Variants in LMAN1L observed in about 807,000 individuals in gnomAD.
The protein encoded by LMAN1L is lectin, mannose binding 1 like.
Under a neutral mutation model 58.3 loss-of-function variants are expected in LMAN1L, and 60 were observed. That is an observed-to-expected ratio of 1.03 (90% CI 0.84 to 1.27). The LOEUF is 1.27. Among genes scored for constraint, LMAN1L ranks in the 50% most tolerant of loss-of-function variants. The pLI is 0.00. For synonymous variants in LMAN1L, 280 were observed against 271.6 expected (o/e 1.03, Z -0.31); for missense variants, 629 against 674.0 (o/e 0.93, Z 0.74).
chr15:74,822,478 C>T (rs997141257), intron 10 of LMAN1L, among the ~76,000 whole-genome samples, 164 bp from the exon 11 acceptor site: 3 of 152,096 alleles, frequency 2.0e-5, no homozygotes, highest in Non-Finnish European at 4.4e-5. Flanking sequence ...AATGTGGATG[C>T]CCTTATGGAT....
chr15:74,819,199 T>C lies in LMAN1L; in HGVS notation c.645T>C (p.Cys215=). The C allele has an allele frequency of 1.2e-6, 2 of 1,614,098 alleles. No homozygotes were observed. The highest frequency in any genetic ancestry group is 1.7e-6 in the Non-Finnish European group (2 of 1,179,962). The change falls in exon 6 of 14, where the codon TGT becomes TGC. Residue 215 remains cysteine, a synonymous_variant. Coordinates refer to ENST00000309664, the MANE Select transcript of LMAN1L (RefSeq NM_021819.3). ...CTCCCAGTGATCCAGGTGAGTTCTG[T>C]GTGGATGTGGGGCCCCTGCTTTTGG... ...GLTPSDPGEF[C]VDVGPLLLVP...
At chr15:74,816,067 C>T in intron 1 of LMAN1L, 90 bp from the exon 2 acceptor site, 1 of 1,451,276 alleles carries the variant, frequency 6.9e-7, no homozygotes, top group Non-Finnish European at 9.1e-7. Flanking sequence ...GTCGCCTTCT[C>T]TTCCGGGAGC....
intron 10 of LMAN1L, among the ~76,000 whole-genome samples, chr15:74,822,269 G>A (rs2063920530): frequency 6.6e-6 from 1 of 152,180 alleles, no homozygotes; most frequent in African/African-American, 2.4e-5. Flanking sequence ...GGGAGGCTGA[G>A]GCAGAAGAAT....
intron 6 of LMAN1L, 83 bp downstream of exon 6, chr15:74,819,355 G>A: frequency 6.6e-7 from 1 of 1,522,308 alleles, no homozygotes; most frequent in Non-Finnish European, 8.8e-7. Context: ...GAGCACTGGG[G>A]TGGCGTCAGC....
intron 4 of LMAN1L, 52 bp downstream of exon 4, chr15:74,816,742 G>A (rs1567223662): frequency 6.4e-7 from 1 of 1,553,976 alleles, no homozygotes. Flanking sequence ...ACTGGGAGGG[G>A]CCCATCCCCC....
Position 74,820,090 on chromosome 15 carries a change from C to T in LMAN1L, c.765C>T (p.Pro255=), listed in dbSNP as rs371086958. ...LSFLTFSLSE[P]SPEVPPQPFL... The stretch of plus-strand genomic sequence containing the variant: ...TCCTGACCTTCAGCCTGAGTGAGCC[C>T]AGCCCAGAGGTGATGCCAGCCCTGG... Residue 255 remains proline (P), a synonymous_variant, in exon 7 of 14, where the codon CCC becomes CCT. Coordinates refer to ENST00000309664, the MANE Select transcript of LMAN1L (RefSeq NM_021819.3). 3.1e-6 allele frequency: 5 copies of T among 1,613,932 alleles called. No homozygotes were observed. The highest frequency in any genetic ancestry group is 1.3e-5 in the African/African-American group (1 of 74,920).
At chr15:74,813,506 A>G (rs2141112090) in intron 1 of LMAN1L, 1 of 456,418 alleles carries the variant, frequency 2.2e-6, no homozygotes, top group Non-Finnish European at 4.4e-6. Flanking sequence ...CCTTCCCTGT[A>G]TGTGTGTTGT....
chr15:74,816,466 G>A lies in LMAN1L; in HGVS notation c.370G>A (p.Val124Ile). 1 of 1,552,944 alleles carries A rather than the reference G, an allele frequency of 6.4e-7. No individual in the cohort carries two copies. The highest frequency in any genetic ancestry group is 1.2e-5 in the South Asian group (1 of 81,372). ...CCGGGGCAGGGGCCATGTAGGCTCTGTCCTTGGGGGGCTGGCTTCGTGGGA... is the reference window on the plus strand; with the variant it reads ...CCGGGGCAGGGGCCATGTAGGCTCTATCCTTGGGGGGCTGGCTTCGTGGGA... ...YTRGRGHVGS[V>I]LGGLASWDGI... is the part of the protein sequence containing the mutation. The change falls in exon 3 of 14, where the codon GTC (valine) becomes ATC (isoleucine). Residue 124 changes from valine (V) to isoleucine (I), a missense_variant. Coordinates refer to ENST00000309664, the MANE Select transcript of LMAN1L (RefSeq NM_021819.3).
chr15:74,813,204 C>A, intron 1 of LMAN1L, 175 bp downstream of exon 1: 1 of 689,694 alleles, frequency 1.4e-6, no homozygotes, highest in Non-Finnish European at 2.5e-6. Flanking sequence ...GCTCCACCGC[C>A]TCAACACCCC....
chr15:74,814,946 A>G (rs2063884098), intron 1 of LMAN1L, among the ~76,000 whole-genome samples: 1 of 152,220 alleles, frequency 6.6e-6, no homozygotes, highest in Non-Finnish European at 1.5e-5. Flanking sequence ...CCAGGATGGC[A>G]AAACTTATAC....
chr15:74,821,689 C>T, intron 9 of LMAN1L, 140 bp from the exon 10 acceptor site: 1 of 628,828 alleles, frequency 1.6e-6, no homozygotes. Context: ...AGGAGGCCAG[C>T]AGCTCTTGTG....
At position 74,821,816 on chromosome 15, in the gene LMAN1L, A is replaced by T. The variant is rs748570835; in HGVS notation, c.1060-13A>T. ...TACACTCCAGGGCCAAGCCTCTCTG[A>T]TCCTATCCCCAGGCCCTGGATGCTT... is the stretch of plus-strand genomic sequence containing the variant. On this transcript the variant is annotated splice_polypyrimidine_tract_variant and intron_variant, in intron 9 of 13. Transcript: ENST00000309664. 1 of 1,602,592 alleles carries T rather than the reference A, an allele frequency of 6.2e-7. No homozygotes were observed. The highest frequency in any genetic ancestry group is 1.1e-5 in the South Asian group (1 of 90,680).
intron 10 of LMAN1L, 96 bp from the exon 11 acceptor site, chr15:74,822,546 T>C: frequency 1.0e-6 from 1 of 965,872 alleles, no homozygotes; most frequent in Non-Finnish European, 1.6e-6. Flanking sequence ...TGGGAAGGCC[T>C]CTGGAAGGAA....
In LMAN1L at chr15:74,819,243, G is replaced by T. The variant is rs2059062039; in HGVS notation, c.689G>T (p.Gly230Val). 1.2e-6 allele frequency: 2 copies of T among 1,614,122 alleles called. No individual in the cohort carries two copies. Among genetic ancestry groups the T allele is most frequent in the Non-Finnish European group, 1.7e-6 (2 of 1,180,008 alleles). ...PLLLVPGGFF[G>V]VSAATGTLAD... ...CTTTTGGTCCCTGGAGGTTTCTTTG[G>T]GGTCTCAGCAGCCACCGGCACCCTG... The change falls in exon 6 of 14, where the codon GGG (glycine) becomes GTG (valine). Residue 230 changes from glycine to valine, a missense_variant. Around this residue, in one of 3 missense-constraint regions of LMAN1L, gnomAD observed 573 missense variants for 597.3 expected, o/e 0.96. Transcript: ENST00000309664.
chr15:74,820,098 A>C lies in LMAN1L; in HGVS notation c.773A>C (p.Glu258Ala). The C allele has an allele frequency of 6.2e-7, 1 of 1,613,606 alleles. No homozygotes were observed. Residue 258 changes from glutamate to alanine, a missense_variant and splice_region_variant, in exon 7 of 14, where the codon GAG becomes GCG. Physicochemically the swap from Glu to Ala is moderately radical, Grantham distance 107. This residue lies in a region of LMAN1L where 573 missense variants were observed against 597.3 expected (regional missense o/e 0.96). Transcript: ENST00000309664. ...LTFSLSEPSP[E>A]VPPQPFLEMQ... ...TTCAGCCTGAGTGAGCCCAGCCCAG[A>C]GGTGATGCCAGCCCTGGCCTACCTG...
intron 1 of LMAN1L, among the ~76,000 whole-genome samples, 179 bp from the exon 2 acceptor site, chr15:74,815,978 C>T (rs1037057037): frequency 7.2e-5 from 11 of 152,258 alleles, no homozygotes; most frequent in African/African-American, 2.4e-4. Context: ...CCCTCCCCAG[C>T]AAAGGCCCCT....
intron 1 of LMAN1L, among the ~76,000 whole-genome samples, chr15:74,815,381 G>C (rs1384277394): frequency 1.3e-5 from 2 of 152,190 alleles, no homozygotes; most frequent in Non-Finnish European, 2.9e-5. Flanking sequence ...GAGCGAGCTC[G>C]AGTAGGGCCT....
At chr15:74,817,492 T>A (rs796380859) in intron 4 of LMAN1L, among the ~76,000 whole-genome samples, 2 of 152,348 alleles carry the variant, frequency 1.3e-5, no homozygotes, top group African/African-American at 4.8e-5. Flanking sequence ...TCAGACGCTC[T>A]GCTGTGAGTA....
At chr15:74,825,402 C>T (rs1228343314) in intron 13 of LMAN1L, 74 bp from the exon 14 acceptor site, 12 of 1,507,068 alleles carry the variant, frequency 8.0e-6, no homozygotes, top group Non-Finnish European at 1.1e-5. Context: ...GCAAGGCAAG[C>T]ATGAGAGTCC....
Sources: gnomAD v4.1 joint callset for allele counts (sites outside exome capture counted in the v4.1 genomes callset) on GRCh38, gnomAD v4.1.1 for gene constraint, gnomAD v4.1.1 regional missense constraint, MANE v1.5 for transcripts, NCBI Gene and HGNC (gene_info 2026-07-23, HGNC 2026-07-21) for gene names.